NT5C1B: variants seen among roughly 807,000 people sequenced by gnomAD.
NT5C1B encodes the protein cytosolic 5'-nucleotidase 1B.
NT5C1B carries 44 observed loss-of-function variants against 57.8 expected under a neutral mutation model. The ratio of observed to expected loss-of-function variants is 0.76; its 90% CI spans 0.60 to 0.98. NT5C1B has a LOEUF of 0.98. Among genes scored for constraint, NT5C1B ranks in the 50% least tolerant of loss-of-function variants. The pLI is 0.00. For missense variants in NT5C1B, 742 were observed against 719.5 expected (o/e 1.03, Z -0.36); for synonymous variants, 284 against 282.6 (o/e 1.00, Z -0.05).
intron 8 of NT5C1B, among the ~76,000 whole-genome samples, chr2:18,569,309 G>GA (rs1177466615): frequency 6.6e-6 from 1 of 151,586 alleles, no homozygotes; most frequent in Non-Finnish European, 1.5e-5. Context: ...GTAAATAGGG[G>GA]AAAAAAGAAA....
chr2:18,582,513 G>T (rs1476328387), intron 6 of NT5C1B, among the ~76,000 whole-genome samples: 1 of 152,226 alleles, frequency 6.6e-6, no homozygotes, highest in Non-Finnish European at 1.5e-5. Flanking sequence ...ACACAAATCT[G>T]TGGTGAGCAA....
chr2:18,572,545 A>G (rs1665299986), intron 8 of NT5C1B, among the ~76,000 whole-genome samples: 1 of 152,212 alleles, frequency 6.6e-6, no homozygotes, highest in African/African-American at 2.4e-5. Flanking sequence ...TGTAAAACAC[A>G]CACCTGATAA....
exon 7 of NT5C1B, chr2:18,576,794 C>T (rs1243050438): frequency 2.5e-6 from 4 of 1,613,798 alleles, no homozygotes; most frequent in African/African-American, 1.3e-5. Flanking sequence ...GCCTCTTGCA[C>T]TTTTTCAGAA....
At position 18,577,273 on chromosome 2, in the gene NT5C1B, G is replaced by C. The variant is rs184881195; in HGVS notation, c.1022-378C>G. Among the ~76,000 whole-genome samples the C allele has an allele frequency of 2.2e-3, 342 of 152,072 alleles. 3 individuals carry two copies. The highest frequency in any genetic ancestry group is 3.0e-3 in the Non-Finnish European group (202 of 67,992). Reference sequence around the variant, plus strand: ...TGATTTAGATGCATAGAGCAGACTTGAGCCCAAGTGTTTGACTCTTGTCTG... The same window carrying C: ...TGATTTAGATGCATAGAGCAGACTTCAGCCCAAGTGTTTGACTCTTGTCTG... On this transcript the variant is annotated intron_variant, in intron 6 of 8. Coordinates refer to ENST00000304081, the Ensembl canonical transcript of NT5C1B.
intron 2 of NT5C1B, 36 bp from the exon 3 acceptor site, chr2:18,586,427 C>T: frequency 1.2e-6 from 2 of 1,610,254 alleles, no homozygotes; most frequent in Non-Finnish European, 1.7e-6. Flanking sequence ...GGTGTAAAAC[C>T]CCATCACCAA....
At chr2:18,568,791 T>A (rs1264836821) in intron 8 of NT5C1B, among the ~76,000 whole-genome samples, 1 of 152,112 alleles carries the variant, frequency 6.6e-6, no homozygotes, top group Non-Finnish European at 1.5e-5. Flanking sequence ...TCAAACCCGC[T>A]TGGAGTCTTC....
At chr2:18,563,170 A>C (rs891739603) in exon 9 of NT5C1B, 1 of 151,924 alleles carries the variant, frequency 6.6e-6, no homozygotes, top group African/African-American at 2.4e-5. Context: ...TTAACCCACC[A>C]AATAATTTTC....
In NT5C1B at chr2:18,584,693, C is replaced by G; in HGVS notation, c.544G>C (p.Glu182Gln). ...CTGCGCTGGCTGGAGGACTTCCACT[C>G]GGTGGGGGACGTGCGCGAATATTCC... The change falls in exon 4 of 9, where the codon GAG becomes CAG. Residue 182 changes from glutamate (E) to glutamine (Q), a missense_variant. By Grantham distance (29) the Glu-to-Gln change is conservative. Transcript: ENST00000304081. The surrounding 1 kb of genome is among the most constrained non-coding windows in gnomAD (Gnocchi z 5.8). 6.2e-7 allele frequency: 1 copy of G among 1,611,802 alleles called. No individual in the cohort carries two copies. Among genetic ancestry groups the G allele is most frequent in the Non-Finnish European group, 8.5e-7 (1 of 1,178,704 alleles).
At position 18,584,058 on chromosome 2, in the gene NT5C1B, C is replaced by T. The variant is rs1295182625; in HGVS notation, c.891+30G>A. 1.9e-6 allele frequency: 3 copies of T among 1,614,048 alleles called. No individual in the cohort carries two copies. The highest frequency in any genetic ancestry group is 2.2e-5 in the East Asian group (1 of 44,874). On this transcript the variant is annotated intron_variant, in intron 5 of 8. Coordinates refer to ENST00000304081, the Ensembl canonical transcript of NT5C1B. This position sits in a 1 kb window ranked among gnomAD's most constrained non-coding sequence, Gnocchi z 5.8. ...GGTCCCTCCCTCGCCATCGAGTGTC[C>T]TGGCGGGCCAAAGACAGCTTGCAGA... is the stretch of plus-strand genomic sequence containing the variant.
exon 8 of NT5C1B, chr2:18,576,264 A>G: frequency 6.2e-7 from 1 of 1,613,780 alleles, no homozygotes; most frequent in Non-Finnish European, 8.5e-7. Context: ...AAATGTTCAG[A>G]CTCATCAGAG....
rs564763731 is a variant in NT5C1B at position 18,564,067 on chromosome 2, T to C, written c.1382A>G (p.Tyr461Cys). Reference sequence around the variant, plus strand: ...ACAAAGTAACCGTTCATTTTTGGCATAGAACTTCTTTTGCAGTCTGCCTAA... The same window carrying C: ...ACAAAGTAACCGTTCATTTTTGGCACAGAACTTCTTTTGCAGTCTGCCTAA... The change falls in exon 9 of 9, where the codon TAT (tyrosine) becomes TGT (cysteine). Residue 461 changes from tyrosine (Y) to cysteine (C), a missense_variant. Tyr to Cys is a radical substitution (Grantham distance 194). Coordinates refer to ENST00000304081, the Ensembl canonical transcript of NT5C1B. 97 of 1,607,224 alleles carry C rather than the reference T, an allele frequency of 6.0e-5. No individual in the cohort carries two copies. Among genetic ancestry groups the C allele is most frequent in the East Asian group, 8.9e-5 (4 of 44,736 alleles).
At position 18,576,938 on chromosome 2, in the gene NT5C1B, G is replaced by C. The variant is rs368979235; in HGVS notation, c.1022-43C>G. On this transcript the variant is annotated intron_variant, in intron 6 of 8. Transcript: ENST00000304081. Reference sequence around the variant, plus strand: ...AGACTTTGTTATGACAGAGATTAAAGACAAAATGCCGTAAATCCAAGTAAA... The same window carrying C: ...AGACTTTGTTATGACAGAGATTAAACACAAAATGCCGTAAATCCAAGTAAA... 1.9e-6 allele frequency: 3 copies of C among 1,607,900 alleles called. No individual in the cohort carries two copies. In the African/African-American group the frequency reaches 4.0e-5, roughly 22 times the overall value.
intron 8 of NT5C1B, among the ~76,000 whole-genome samples, chr2:18,570,170 A>G (rs970993896): frequency 6.6e-6 from 1 of 152,060 alleles, no homozygotes; most frequent in African/African-American, 2.4e-5. Context: ...AAAAAAAATC[A>G]TCTATCAAAA....
exon 9 of NT5C1B, chr2:18,563,586 C>T (rs545318949): frequency 2.2e-6 from 1 of 453,650 alleles, no homozygotes; most frequent in East Asian, 3.3e-5. Context: ...GGTGTAATGG[C>T]ATTCAACAGT....
chr2:18,574,283 C>T (rs1420384087), intron 8 of NT5C1B, among the ~76,000 whole-genome samples: 1 of 152,048 alleles, frequency 6.6e-6, no homozygotes, highest in Non-Finnish European at 1.5e-5. Context: ...CAAATTTTAC[C>T]AGTCAAGATG....
At chr2:18,576,238 C>G in exon 8 of NT5C1B, 9 of 1,613,700 alleles carry the variant, frequency 5.6e-6, no homozygotes, top group Non-Finnish European at 7.6e-6. Flanking sequence ...ATTTGTCGAG[C>G]CCATGCTCCT....
intron 8 of NT5C1B, among the ~76,000 whole-genome samples, chr2:18,571,095 T>C (rs1345019794): frequency 2.0e-5 from 3 of 152,170 alleles, no homozygotes; most frequent in South Asian, 4.1e-4. Context: ...GAGTGAAAGA[T>C]TGATGTCCCT....
In NT5C1B at chr2:18,584,858, G is replaced by C; in HGVS notation, c.379C>G (p.Arg127Gly). The change falls in exon 4 of 9, where the codon CGG (arginine) becomes GGG (glycine). Residue 127 changes from arginine to glycine, a missense_variant. By Grantham distance (125) the Arg-to-Gly change is moderately radical. Coordinates refer to ENST00000304081, the Ensembl canonical transcript of NT5C1B. The surrounding 1 kb of genome is among the most constrained non-coding windows in gnomAD (Gnocchi z 5.8). ...GTGGGAGGCCGCGAGTCCAGCGACC[G>C]GGGCAGCTGGGGCGACGCGGGTGGC... 1.2e-6 allele frequency: 2 copies of C among 1,602,252 alleles called. No homozygotes were observed. The highest frequency in any genetic ancestry group is 1.7e-6 in the Non-Finnish European group (2 of 1,176,062).
rs934969111 is a variant in NT5C1B, at chr2:18,583,033, G to T, written c.892-36C>A. On this transcript the variant is annotated intron_variant, in intron 5 of 8. Transcript: ENST00000304081. ...CAAACATGAATGTGTGTAAAGAGGG[G>T]CAGGCAGGGTGGATCTGGGGAGGCC... The T allele has an allele frequency of 8.8e-6, 14 of 1,598,958 alleles. No homozygotes were observed. The African/African-American group carries it at 1.7e-4, about 20-fold the overall frequency.
Sources: gnomAD v4.1 joint callset for allele counts (sites outside exome capture counted in the v4.1 genomes callset) on GRCh38, gnomAD v4.1.1 for gene constraint, Gnocchi (gnomAD v3.1) non-coding constraint, MANE v1.5 for transcripts, NCBI Gene and HGNC (gene_info 2026-07-23, HGNC 2026-07-21) for gene names.